Variants in ECM2 observed in about 807,000 individuals in gnomAD.
ECM2 encodes extracellular matrix protein 2.
ECM2 carries 57 observed loss-of-function variants against 67.5 expected under a neutral mutation model. That is an observed-to-expected ratio of 0.84 (90% CI 0.68 to 1.05). ECM2 has a LOEUF of 1.05. Among genes scored for constraint, ECM2 ranks in the 50% least tolerant of loss-of-function variants. The pLI, the probability that ECM2 is intolerant of heterozygous loss-of-function variation, is 0.00. For synonymous variants in ECM2, 258 were observed against 294.5 expected, an observed-to-expected ratio of 0.88 and a Z score of 1.27; for missense variants, 741 against 822.8, an observed-to-expected ratio of 0.90 and a Z score of 1.22.
At chr9:92,528,468 A>G (rs1848547678) in intron 1 of ECM2, among the ~76,000 whole-genome samples, 1 of 152,218 alleles carries the variant, frequency 6.6e-6, no homozygotes, top group Non-Finnish European at 1.5e-5. Context: ...TCCACTGAGT[A>G]CTGGATAGCA....
At chr9:92,510,105 C>A in intron 5 of ECM2, 71 bp from the exon 6 acceptor site, 2 of 1,503,864 alleles carry the variant, frequency 1.3e-6, no homozygotes, top group South Asian at 1.3e-5. Flanking sequence ...ATATAATGGT[C>A]GTGACTAAAA....
At chr9:92,520,034 C>T (rs1295999055) in intron 2 of ECM2, among the ~76,000 whole-genome samples, 1 of 79,124 alleles carries the variant, frequency 1.3e-5, no homozygotes, top group Admixed American at 1.0e-4. Context: ...GTAATTCCAG[C>T]ACTTTGGGAG....
the ECM2 span, among the ~76,000 whole-genome samples, chr9:92,558,012 C>G: frequency 2.6e-5 from 4 of 152,132 alleles, no homozygotes; most frequent in Non-Finnish European, 5.9e-5. Context: ...TTTAAGCTAT[C>G]TATTTCATTG....
rs764113489 is a variant in ECM2 at position 92,515,065 on chromosome 9, C to G, written c.620G>C (p.Arg207Thr). The G allele has an allele frequency of 8.1e-6, 13 of 1,613,966 alleles. No individual in the cohort carries two copies. Among genetic ancestry groups the G allele is most frequent in the South Asian group, 2.2e-5 (2 of 91,086 alleles). The change falls in exon 4 of 10, where the codon AGA becomes ACA. Residue 207 changes from arginine to threonine, a missense_variant. Physicochemically the swap from Arg to Thr is moderately conservative, Grantham distance 71. Transcript: ENST00000344604. ...CTCCTCAGATTGAAGTGCTTCTTTT[C>G]TTACTATTCGGTCCATTCCCACCTG... ...PPQVGMDRIVRKEALQSEEDE... is the reference protein window; with the variant it reads ...PPQVGMDRIVTKEALQSEEDE...
At chr9:92,543,003 C>G in the ECM2 span, among the ~76,000 whole-genome samples, 1 of 152,154 alleles carries the variant, frequency 6.6e-6, no homozygotes, top group African/African-American at 2.4e-5. Flanking sequence ...TCTCTTGGCA[C>G]TTTTGTCAAA....
chr9:92,535,900 T>C, intron 1 of ECM2, 33 bp downstream of exon 1: 2 of 458,506 alleles, frequency 4.4e-6, no homozygotes, highest in South Asian at 1.7e-5. Context: ...TTCCACATGC[T>C]AAGTAGAAAC....
At chr9:92,502,085 G>A (rs1846713632) in intron 8 of ECM2, among the ~76,000 whole-genome samples, 1 of 152,212 alleles carries the variant, frequency 6.6e-6, no homozygotes, top group Non-Finnish European at 1.5e-5. Flanking sequence ...AAGGAGTATG[G>A]CAGATTTCTT....
At chr9:92,532,136 C>T (rs1248425836) in intron 1 of ECM2, among the ~76,000 whole-genome samples, 1 of 149,574 alleles carries the variant, frequency 6.7e-6, no homozygotes, top group African/African-American at 2.5e-5. Flanking sequence ...GCTGGGACTA[C>T]AGGCACGAAC....
In ECM2 at chr9:92,514,691, C is replaced by T. The variant is rs775294587; in HGVS notation, c.994G>A (p.Ala332Thr). The T allele has an allele frequency of 6.2e-6, 10 of 1,611,392 alleles. No homozygotes were observed. Among genetic ancestry groups the T allele is most frequent in the East Asian group, 4.5e-5 (2 of 44,838 alleles). ...AGCGGTGGTATCTGGGTAAGCATGGCGTTGATGCAGCTGATGGTCCTGTAG... is the reference window on the plus strand; with the variant it reads ...AGCGGTGGTATCTGGGTAAGCATGGTGTTGATGCAGCTGATGGTCCTGTAG... Reference protein sequence around the residue: ...LSYRTISCINAMLTQIPPLTA... With the variant: ...LSYRTISCINTMLTQIPPLTA... Residue 332 changes from alanine to threonine, a missense_variant, in exon 4 of 10, where the codon GCC becomes ACC. Transcript: ENST00000344604.
chr9:92,509,201 C>CA (rs1339847388), intron 6 of ECM2, among the ~76,000 whole-genome samples: 1 of 151,948 alleles, frequency 6.6e-6, no homozygotes, highest in African/African-American at 2.4e-5. Flanking sequence ...CTTGCATCCA[C>CA]ATGCCGTGGG....
the ECM2 span, among the ~76,000 whole-genome samples, chr9:92,552,011 TATG>T: frequency 2.0e-5 from 3 of 146,374 alleles, no homozygotes; most frequent in East Asian, 2.0e-4. Context: ...TGTGTATATA[TATG>T]ATATGATAGA....
intron 6 of ECM2, among the ~76,000 whole-genome samples, chr9:92,508,945 T>C (rs1160142754): frequency 2.6e-5 from 4 of 151,880 alleles, no homozygotes; most frequent in African/African-American, 9.7e-5. Flanking sequence ...ATTAGGAAGA[T>C]AAAAAGAAAA....
rs375328673 is a variant in ECM2 at position 92,515,056 on chromosome 9, G to T, written c.629C>A (p.Ala210Glu). The T allele has an allele frequency of 3.7e-6, 6 of 1,614,088 alleles. No homozygotes were observed. The East Asian group carries it at 1.3e-4, about 36-fold the overall frequency. ...VGMDRIVRKE[A>E]LQSEEDEEVK... is the part of the protein sequence containing the mutation. ...TTCTTCATCCTCCTCAGATTGAAGT[G>T]CTTCTTTTCTTACTATTCGGTCCAT... The change falls in exon 4 of 10, where the codon GCA (alanine) becomes GAA (glutamate). Residue 210 changes from alanine (A) to glutamate (E), a missense_variant. Transcript: ENST00000344604.
At chr9:92,540,404 C>T (rs898052642), upstream of ECM2, among the ~76,000 whole-genome samples, 1 of 149,640 alleles carries the variant, frequency 6.7e-6, no homozygotes, top group African/African-American at 2.5e-5. Context: ...TGCCACTGCA[C>T]TCCAGCCTGG....
the ECM2 span, among the ~76,000 whole-genome samples, chr9:92,542,508 CTT>C: frequency 1.2e-4 from 18 of 145,758 alleles, no homozygotes; most frequent in Middle Eastern, 3.6e-3. Context: ...TCTTTTCTTT[CTT>C]TTTTTTTTTT....
rs200225062 is a variant in ECM2, at chr9:92,515,080, A to G, written c.605T>C (p.Met202Thr). 1.2e-6 allele frequency: 2 copies of G among 1,614,110 alleles called. No homozygotes were observed. ...TGCTTCTTTTCTTACTATTCGGTCCATTCCCACCTGAGGAGGTGGCAGTTG... is the reference window on the plus strand; with the variant it reads ...TGCTTCTTTTCTTACTATTCGGTCCGTTCCCACCTGAGGAGGTGGCAGTTG... The part of the protein sequence containing the change: ...HKQLPPPQVG[M>T]DRIVRKEALQ... Residue 202 changes from methionine to threonine, a missense_variant, in exon 4 of 10, where the codon ATG (methionine) becomes ACG (threonine). Coordinates refer to ENST00000344604, the MANE Select transcript of ECM2 (RefSeq NM_001393.4).
At chr9:92,494,369 C>A (rs984112365), downstream of ECM2, among the ~76,000 whole-genome samples, 2 of 152,174 alleles carry the variant, frequency 1.3e-5, no homozygotes, top group African/African-American at 4.8e-5. Context: ...GATGTGTAAC[C>A]CTATCTTCTT....
intron 7 of ECM2, among the ~76,000 whole-genome samples, chr9:92,503,394 G>A (rs1846805498): frequency 1.3e-5 from 2 of 152,266 alleles, no homozygotes; most frequent in Admixed American, 6.5e-5. Context: ...TGTCCTAGCC[G>A]AGCCTCCAGC....
At chr9:92,507,032 C>T (rs1393374527) in intron 6 of ECM2, among the ~76,000 whole-genome samples, 6 of 152,094 alleles carry the variant, frequency 3.9e-5, no homozygotes, top group Non-Finnish European at 8.8e-5. Flanking sequence ...CTCAGCCTCC[C>T]GAGTATCTGG....
Sources: gnomAD v4.1 joint callset for allele counts (sites outside exome capture counted in the v4.1 genomes callset) on GRCh38, gnomAD v4.1.1 for gene constraint, MANE v1.5 for transcripts, NCBI Gene and HGNC (gene_info 2026-07-23, HGNC 2026-07-21) for gene names.